NREP: variants seen among roughly 807,000 people sequenced by gnomAD.
The protein encoded by NREP is neuronal regeneration-related protein.
In NREP, 5 loss-of-function variants were observed where a neutral mutation model predicts 8.6. The observed-to-expected ratio is 0.58, with a 90% CI of 0.30 to 1.22. NREP has a LOEUF of 1.22. Ranked by LOEUF, NREP falls within the 50% of genes most tolerant of loss-of-function variation. The pLI, the probability that NREP is intolerant of heterozygous loss-of-function variation, is 0.07. For synonymous variants in NREP, 27 were observed against 28.0 expected, an observed-to-expected ratio of 0.96 and a Z score of 0.11; for missense variants, 86 against 82.5, an observed-to-expected ratio of 1.04 and a Z score of -0.17.
intron 2 of NREP, among the ~76,000 whole-genome samples, chr5:111,851,077 T>C (rs528425742): frequency 7.9e-5 from 12 of 152,302 alleles, no homozygotes; most frequent in African/African-American, 2.6e-4. Context: ...GTCATGACAA[T>C]CTAGTACTCC....
chr5:111,935,750 G>A (rs1755665012), intron 2 of NREP, among the ~76,000 whole-genome samples: 1 of 152,052 alleles, frequency 6.6e-6, no homozygotes, highest in South Asian at 2.1e-4. Flanking sequence ...TCTTAGAATA[G>A]AGGAATACCA....
chr5:111,866,536 C>A (rs552103324), intron 2 of NREP, among the ~76,000 whole-genome samples: 56 of 152,206 alleles, frequency 3.7e-4, no homozygotes, highest in African/African-American at 1.3e-3. Flanking sequence ...GGAACACTTA[C>A]ACTGTTGGTG....
chr5:111,872,870 C>T (rs1157833830), intron 2 of NREP, among the ~76,000 whole-genome samples: 1 of 152,070 alleles, frequency 6.6e-6, no homozygotes, highest in Non-Finnish European at 1.5e-5. Flanking sequence ...ATTACATTAG[C>T]TACCAAAAGA....
intron 2 of NREP, among the ~76,000 whole-genome samples, chr5:111,770,408 T>A (rs1751189119): frequency 2.6e-5 from 4 of 152,188 alleles, no homozygotes; most frequent in Non-Finnish European, 5.9e-5. Context: ...ACTTTAGAAT[T>A]CATTTGAGGT....
chr5:111,770,883 T>G (rs1276703774), intron 2 of NREP, among the ~76,000 whole-genome samples: 1 of 152,188 alleles, frequency 6.6e-6, no homozygotes, highest in Non-Finnish European at 1.5e-5. Context: ...GAATTATTTC[T>G]AATTTCCTCT....
intron 2 of NREP, among the ~76,000 whole-genome samples, chr5:111,957,531 C>T (rs1273995863): frequency 6.6e-6 from 1 of 151,482 alleles, no homozygotes; most frequent in African/African-American, 2.4e-5. Context: ...ACAACTCTTC[C>T]AAATAATAAA....
At chr5:111,871,247 G>A (rs77029717) in intron 2 of NREP, among the ~76,000 whole-genome samples, 7,676 of 152,224 alleles carry the variant, frequency 0.05, 475 homozygotes, top group East Asian at 0.23. Flanking sequence ...CTACAAACCT[G>A]TACAACGTGT....
intron 2 of NREP, among the ~76,000 whole-genome samples, chr5:111,839,733 A>G (rs557699662): frequency 1.7e-3 from 254 of 152,226 alleles, no homozygotes; most frequent in Non-Finnish European, 2.0e-3. Context: ...TTATAATAAT[A>G]TAAAGTCTTA....
At chr5:111,888,810 G>C (rs879643235) in intron 2 of NREP, among the ~76,000 whole-genome samples, 1 of 152,162 alleles carries the variant, frequency 6.6e-6, no homozygotes, top group South Asian at 2.1e-4. Context: ...TCAAATGCTG[G>C]ATTAAACCCT....
intron 1 of NREP, chr5:111,756,305 A>AG: frequency 3.4e-6 from 3 of 876,982 alleles, no homozygotes; most frequent in South Asian, 5.1e-5. Context: ...TTAAAAAAAA[A>AG]AAAAAAACCC....
chr5:111,929,762 T>C (rs1210179978), intron 2 of NREP, among the ~76,000 whole-genome samples: 1 of 152,186 alleles, frequency 6.6e-6, no homozygotes, highest in Non-Finnish European at 1.5e-5. Flanking sequence ...CTCAATCCTT[T>C]ACTTGCTCTC....
At chr5:111,764,586 C>T (rs1225039291) in intron 2 of NREP, among the ~76,000 whole-genome samples, 2 of 152,152 alleles carry the variant, frequency 1.3e-5, no homozygotes, top group African/African-American at 4.8e-5. Flanking sequence ...ATTAAATTAC[C>T]TCCCACCAGG....
chr5:111,789,733 C>T (rs190664714), intron 2 of NREP, among the ~76,000 whole-genome samples: 138 of 152,248 alleles, frequency 9.1e-4, no homozygotes, highest in African/African-American at 3.2e-3. Flanking sequence ...TTATTAGCAG[C>T]TTTTATTGAC....
intron 2 of NREP, among the ~76,000 whole-genome samples, chr5:111,951,914 G>A (rs545549193): frequency 5.3e-5 from 8 of 152,136 alleles, no homozygotes; most frequent in South Asian, 2.1e-4. Flanking sequence ...GTACCAAGAT[G>A]AGGCTAAGGC....
chr5:111,791,200 C>T (rs144100172), intron 2 of NREP, among the ~76,000 whole-genome samples: 1 of 152,322 alleles, frequency 6.6e-6, no homozygotes, highest in African/African-American at 2.4e-5. Context: ...TATTATCTCA[C>T]ATTCTTACCA....
At chr5:111,934,215 G>A (rs1481020049) in intron 2 of NREP, among the ~76,000 whole-genome samples, 1 of 152,164 alleles carries the variant, frequency 6.6e-6, no homozygotes, top group Non-Finnish European at 1.5e-5. Flanking sequence ...CTCCAGGTGA[G>A]AGAGAGTTCC....
chr5:111,846,949 A>G (rs572221248), intron 2 of NREP, among the ~76,000 whole-genome samples: 72 of 152,260 alleles, frequency 4.7e-4, no homozygotes, highest in African/African-American at 1.7e-3. Flanking sequence ...ACGTTTCATT[A>G]TGCATCTACT....
chr5:111,813,866 TC>T (rs2112916834), intron 2 of NREP, among the ~76,000 whole-genome samples: 1 of 152,238 alleles, frequency 6.6e-6, no homozygotes, highest in South Asian at 2.1e-4. Context: ...ATTTCTTAAT[TC>T]TTTTGGTATA....
chr5:111,903,374 G>A (rs1021053953), intron 2 of NREP, among the ~76,000 whole-genome samples: 3 of 151,778 alleles, frequency 2.0e-5, no homozygotes, highest in Non-Finnish European at 2.9e-5. Context: ...TGTGAGCCAC[G>A]GCACCCAGCT....
Sources: gnomAD v4.1 joint callset for allele counts (sites outside exome capture counted in the v4.1 genomes callset) on GRCh38, gnomAD v4.1.1 for gene constraint, MANE v1.5 for transcripts, NCBI Gene and HGNC (gene_info 2026-07-23, HGNC 2026-07-21) for gene names.